The following LARGE1 variants were observed in gnomAD, a reference collection of about 807,000 sequenced individuals.
The protein encoded by LARGE1 is LARGE xylosyl- and glucuronyltransferase 1, also known as xylosyl- and glucuronyltransferase LARGE1.
Under a neutral mutation model 87.6 loss-of-function variants are expected in LARGE1, and 43 were observed. The observed-to-expected ratio is 0.49, with a 90% CI of 0.38 to 0.63. LARGE1 has a LOEUF of 0.63. Ranked by LOEUF, LARGE1 falls within the 30% of genes least tolerant of loss-of-function variation. LARGE1 has a pLI of 0.00. For synonymous variants in LARGE1, 434 were observed against 394.6 expected, an observed-to-expected ratio of 1.10 and a Z score of -1.18; for missense variants, 802 against 1,000.2, an observed-to-expected ratio of 0.80 and a Z score of 2.67.
chr22:33,347,455 A>G (rs1451993628), intron 9 of LARGE1, among the ~76,000 whole-genome samples: 2 of 152,242 alleles, frequency 1.3e-5, no homozygotes, highest in Non-Finnish European at 2.9e-5. Context: ...GTCTACAGTA[A>G]ATCAGTGATA....
chr22:33,622,395 T>C (rs139798308), intron 4 of LARGE1, among the ~76,000 whole-genome samples: 140 of 152,302 alleles, frequency 9.2e-4, no homozygotes, highest in African/African-American at 3.0e-3. Context: ...TGATTATAAG[T>C]TTCCTGAGGC....
chr22:33,630,530 T>C (rs1207897953), intron 3 of LARGE1, among the ~76,000 whole-genome samples: 6 of 152,156 alleles, frequency 3.9e-5, no homozygotes, highest in Admixed American at 3.9e-4. Context: ...TGTAGACAAC[T>C]GTAACACAAT....
rs35195367 is a variant in LARGE1 at position 33,912,837 on chromosome 22, G to GTTT, written c.-83+7155_-83+7157dup. Among the ~76,000 whole-genome samples the GTTT allele has an allele frequency of 1.9e-3, 269 of 143,710 alleles. 1 individual carries two copies. The highest frequency in any genetic ancestry group is 7.2e-3 in the Middle Eastern group (2 of 276). The allele number at this position is 143,710 out of a possible 152,430, so 94.3% of individuals were successfully genotyped here. On this transcript the variant is annotated intron_variant, in intron 1 of 14. Transcript: ENST00000397394. The stretch of plus-strand genomic sequence containing the variant: ...GAAGGAAGAACCAGCAGACAAGCAT[G>GTTT]TTTTTTTTTTTTTGAGACGAAGTCT...
At chr22:33,462,133 A>T (rs1452244332) in intron 6 of LARGE1, among the ~76,000 whole-genome samples, 1 of 152,208 alleles carries the variant, frequency 6.6e-6, no homozygotes, top group Admixed American at 6.5e-5. Context: ...GTTAAAAATG[A>T]CCAGGTGTAT....
At chr22:33,380,313 G>A (rs570103761) in intron 9 of LARGE1, among the ~76,000 whole-genome samples, 1 of 152,258 alleles carries the variant, frequency 6.6e-6, no homozygotes, top group Admixed American at 6.5e-5. Context: ...AAATGCCGAT[G>A]GAAGGAATGA....
intron 9 of LARGE1, among the ~76,000 whole-genome samples, chr22:33,355,534 T>G (rs559105439): frequency 1.4e-4 from 21 of 152,310 alleles, no homozygotes; most frequent in Middle Eastern, 3.4e-3. Context: ...AACTGGAAAA[T>G]TAAACCTTTG....
At chr22:33,713,252 G>GA (rs2082793269) in intron 2 of LARGE1, among the ~76,000 whole-genome samples, 1 of 139,824 alleles carries the variant, frequency 7.2e-6, no homozygotes, top group African/African-American at 2.6e-5. Context: ...GGAATGGATA[G>GA]AGTTGGTTTC....
At chr22:33,205,657 G>T (rs2146219669) in intron 11 of LARGE1, among the ~76,000 whole-genome samples, 1 of 152,304 alleles carries the variant, frequency 6.6e-6, no homozygotes, top group African/African-American at 2.4e-5. Context: ...ACAGGCTCTT[G>T]TCAAGTTTCC....
chr22:33,348,133 A>C (rs1939965033), intron 9 of LARGE1, among the ~76,000 whole-genome samples: 1 of 152,184 alleles, frequency 6.6e-6, no homozygotes. Context: ...GAGTGACCCG[A>C]AAAGGGGACT....
intron 9 of LARGE1, among the ~76,000 whole-genome samples, chr22:33,381,021 G>A (rs148138746): frequency 1.3e-5 from 2 of 152,176 alleles, no homozygotes; most frequent in South Asian, 4.1e-4. Context: ...GCCAATGAGG[G>A]ATATTAGCAA....
At chr22:33,884,784 G>A (rs2064797540) in intron 1 of LARGE1, among the ~76,000 whole-genome samples, 1 of 152,202 alleles carries the variant, frequency 6.6e-6, no homozygotes, top group African/African-American at 2.4e-5. Context: ...GACAATGACA[G>A]GAGCAACCCT....
chr22:33,369,524 T>A (rs184582954), intron 9 of LARGE1, among the ~76,000 whole-genome samples: 94 of 152,316 alleles, frequency 6.2e-4, no homozygotes, highest in African/African-American at 1.9e-3. Context: ...GTTCTCTATC[T>A]CTACTTTTTT....
intron 1 of LARGE1, among the ~76,000 whole-genome samples, chr22:33,897,502 G>C (rs1601872659): frequency 1.3e-5 from 2 of 152,216 alleles, no homozygotes; most frequent in Admixed American, 1.3e-4. Flanking sequence ...TCAGGCAGAA[G>C]TCAGGACAGG....
intron 2 of LARGE1, among the ~76,000 whole-genome samples, chr22:33,669,727 C>G (rs1350532423): frequency 1.3e-5 from 2 of 152,174 alleles, no homozygotes; most frequent in Admixed American, 6.5e-5. Context: ...ATTACTGCAG[C>G]ACATCTGTAT....
chr22:33,420,635 C>A (rs945820268), intron 7 of LARGE1, among the ~76,000 whole-genome samples: 5 of 152,198 alleles, frequency 3.3e-5, no homozygotes, highest in Non-Finnish European at 7.3e-5. Context: ...GTTTCTCCCC[C>A]ACAATAACCA....
In LARGE1 at chr22:33,858,958, G is replaced by T. The variant is rs1028727966; in HGVS notation, c.-83+61037C>A. ...ACACAAGATCAGAAAACCAAACACC[G>T]CATCTTCTCACTCATAGGTGGGAGT... is the stretch of plus-strand genomic sequence containing the variant. On this transcript the variant is annotated intron_variant, in intron 1 of 14. Coordinates refer to ENST00000397394, the MANE Select transcript of LARGE1 (RefSeq NM_133642.5). 2.0e-5 allele frequency among the ~76,000 whole-genome samples: 3 copies of T among 150,874 alleles called. No homozygotes were observed. In the East Asian group the frequency reaches 5.9e-4, roughly 30 times the overall value.
chr22:33,154,364 CCAAGTACCTGAGATTACAG>C, the LARGE1 span, among the ~76,000 whole-genome samples: 1 of 152,092 alleles, frequency 6.6e-6, no homozygotes, highest in African/African-American at 2.4e-5. Context: ...CCTCAGCCTC[CCAAGTACCTGAGATTACAG>C]GTGCCTGCCA....
the LARGE1 span, among the ~76,000 whole-genome samples, chr22:33,130,575 G>T: frequency 6.6e-6 from 1 of 152,076 alleles, no homozygotes; most frequent in South Asian, 2.1e-4. Flanking sequence ...GTGCAAATCG[G>T]TTTCAGAAAA....
chr22:33,615,265 G>A (rs1003407659), intron 4 of LARGE1, among the ~76,000 whole-genome samples: 2 of 151,868 alleles, frequency 1.3e-5, no homozygotes, highest in Non-Finnish European at 2.9e-5. Flanking sequence ...ATGAATAAAT[G>A]AACACATGAA....
Sources: gnomAD v4.1 joint callset for allele counts (sites outside exome capture counted in the v4.1 genomes callset) on GRCh38, gnomAD v4.1.1 for gene constraint, MANE v1.5 for transcripts, NCBI Gene and HGNC (gene_info 2026-07-23, HGNC 2026-07-21) for gene names.